Variants in CBLB observed in about 807,000 individuals in gnomAD.
The protein encoded by CBLB is E3 ubiquitin-protein ligase CBL-B.
A neutral mutation model predicts 104.9 loss-of-function variants in CBLB; 31 were observed. That is an observed-to-expected ratio of 0.30 (90% CI 0.22 to 0.40). The LOEUF is 0.40. Ranked by LOEUF, CBLB falls within the 10% of genes least tolerant of loss-of-function variation. CBLB has a pLI of 1.00. For missense variants in CBLB, 1,062 were observed against 1,214.6 expected, an observed-to-expected ratio of 0.87 and a Z score of 1.87; for synonymous variants, 440 against 422.6, an observed-to-expected ratio of 1.04 and a Z score of -0.51.
chr3:105,805,934 G>A (rs1481880846), intron 3 of CBLB, among the ~76,000 whole-genome samples: 1 of 145,466 alleles, frequency 6.9e-6, no homozygotes, highest in African/African-American at 2.5e-5. Context: ...AAAAGGGAAA[G>A]AAAAAAAAAA....
At chr3:105,725,417 T>TG (rs2073464030) in intron 9 of CBLB, among the ~76,000 whole-genome samples, 1 of 152,210 alleles carries the variant, frequency 6.6e-6, no homozygotes, top group Non-Finnish European at 1.5e-5. Flanking sequence ...TGGAGTCAAC[T>TG]GAAAATGTTT....
intron 12 of CBLB, among the ~76,000 whole-genome samples, chr3:105,698,854 T>C (rs1187584460): frequency 2.0e-5 from 3 of 152,118 alleles, no homozygotes; most frequent in Non-Finnish European, 2.9e-5. Context: ...CCTTTTCTTG[T>C]TGTATATGAT....
At chr3:105,660,436 C>A (rs2063680000) in intron 18 of CBLB, among the ~76,000 whole-genome samples, 1 of 152,130 alleles carries the variant, frequency 6.6e-6, no homozygotes, top group Non-Finnish European at 1.5e-5. Flanking sequence ...AAGTGATCCA[C>A]CCACCTTGGC....
intron 4 of CBLB, among the ~76,000 whole-genome samples, chr3:105,772,919 C>T (rs1392174364): frequency 1.3e-5 from 2 of 152,192 alleles, no homozygotes; most frequent in African/African-American, 4.8e-5. Flanking sequence ...GAAAAGGGAA[C>T]ACTTCTACAT....
At chr3:105,787,241 T>C (rs187706790) in intron 3 of CBLB, among the ~76,000 whole-genome samples, 80 of 152,298 alleles carry the variant, frequency 5.3e-4, no homozygotes, top group African/African-American at 1.8e-3. Flanking sequence ...ATTTAACTTA[T>C]TCTACAGCTG....
intron 3 of CBLB, among the ~76,000 whole-genome samples, chr3:105,822,810 C>A (rs1392615350): frequency 6.6e-6 from 1 of 152,228 alleles, no homozygotes; most frequent in East Asian, 1.9e-4. Flanking sequence ...TGAATAATGG[C>A]CTTCAGGTAC....
chr3:105,820,106 A>ACAT (rs2085627036), intron 3 of CBLB, among the ~76,000 whole-genome samples: 1 of 152,150 alleles, frequency 6.6e-6, no homozygotes, highest in African/African-American at 2.4e-5. Context: ...GGGTGATGGG[A>ACAT]CACAGTGACA....
chr3:105,862,843 G>A (rs933205448), intron 2 of CBLB, among the ~76,000 whole-genome samples: 3 of 152,028 alleles, frequency 2.0e-5, no homozygotes, highest in African/African-American at 7.2e-5. Flanking sequence ...CAACCCATGA[G>A]CTGGCCAGCA....
chr3:105,690,434 A>C lies in CBLB; in HGVS notation c.2054+3060T>G, dbSNP rs144002000. Among the ~76,000 whole-genome samples, 514 of 152,284 alleles carry C rather than the reference A, an allele frequency of 3.4e-3. 5 individuals are homozygous for C. Among genetic ancestry groups the C allele is most frequent in the African/African-American group, 0.011 (475 of 41,558 alleles). Reference sequence around the variant, plus strand: ...AAAAAACACACTGTATAGAACCTAAAAAGCTGAATCTCAAAAGGATTTTGG... The same window carrying C: ...AAAAAACACACTGTATAGAACCTAACAAGCTGAATCTCAAAAGGATTTTGG... On this transcript the variant is annotated intron_variant, in intron 13 of 18. Transcript: ENST00000394030.
chr3:105,739,922 G>C (rs1176832208), intron 7 of CBLB, among the ~76,000 whole-genome samples: 1 of 152,102 alleles, frequency 6.6e-6, no homozygotes, highest in Non-Finnish European at 1.5e-5. Flanking sequence ...GGCTAACACG[G>C]TGAAACCCCG....
intron 12 of CBLB, among the ~76,000 whole-genome samples, chr3:105,694,979 C>T (rs993391574): frequency 3.3e-5 from 5 of 151,718 alleles, no homozygotes; most frequent in Admixed American, 6.6e-5. Context: ...TAAAAAAAGG[C>T]CTTTTAACAG....
At chr3:105,806,652 T>C (rs768373057) in intron 3 of CBLB, among the ~76,000 whole-genome samples, 2 of 152,054 alleles carry the variant, frequency 1.3e-5, no homozygotes, top group South Asian at 2.1e-4. Flanking sequence ...AGTAGGCATG[T>C]CATACCAAGT....
intron 4 of CBLB, among the ~76,000 whole-genome samples, chr3:105,766,142 T>C (rs1399944484): frequency 6.6e-6 from 1 of 152,162 alleles, no homozygotes; most frequent in Non-Finnish European, 1.5e-5. Context: ...GATGTAGAAT[T>C]TGCTAGAGAA....
rs2091210842 is a variant in CBLB at position 105,853,458 on chromosome 3, A to G, written c.375T>C (p.Phe125=). The G allele has an allele frequency of 6.2e-7, 1 of 1,613,518 alleles. No individual in the cohort carries two copies. Among genetic ancestry groups the G allele is most frequent in the African/African-American group, 1.3e-5 (1 of 75,028 alleles). Residue 125 remains phenylalanine (F), a synonymous_variant, in exon 3 of 19, where the codon TTT becomes TTC. Transcript: ENST00000394030. ...CATACATTCTCTCCTTGCCTTCTTTAAAGAGTCTTATTGCCCGTTTTGACT... is the reference window on the plus strand; with the variant it reads ...CATACATTCTCTCCTTGCCTTCTTTGAAGAGTCTTATTGCCCGTTTTGACT... ...MKKSKRAIRL[F]KEGKERMYEE... is the part of the protein sequence containing the mutation.
chr3:105,849,248 T>G (rs568155991), intron 3 of CBLB, among the ~76,000 whole-genome samples: 1 of 152,152 alleles, frequency 6.6e-6, no homozygotes, highest in South Asian at 2.1e-4. Context: ...TACATTATTA[T>G]GAATTGTTAT....
At chr3:105,730,910 C>A (rs975494935) in intron 9 of CBLB, among the ~76,000 whole-genome samples, 1 of 152,094 alleles carries the variant, frequency 6.6e-6, no homozygotes, top group Admixed American at 6.5e-5. Flanking sequence ...TTTAGCTAAA[C>A]ACAATTTTCA....
intron 18 of CBLB, among the ~76,000 whole-genome samples, chr3:105,660,354 A>ATTT (rs746956695): frequency 2.1e-5 from 3 of 143,874 alleles, no homozygotes; most frequent in African/African-American, 7.6e-5. Flanking sequence ...TGCCTGGCTA[A>ATTT]TTTTTTTTTT....
chr3:105,780,278 A>AT (rs777549409), intron 3 of CBLB, among the ~76,000 whole-genome samples: 4 of 152,136 alleles, frequency 2.6e-5, no homozygotes, highest in East Asian at 1.9e-4. Flanking sequence ...TGTAGATGGA[A>AT]TTTTTTCTAT....
At chr3:105,732,675 T>C (rs1028142941) in intron 9 of CBLB, among the ~76,000 whole-genome samples, 1 of 151,932 alleles carries the variant, frequency 6.6e-6, no homozygotes, top group African/African-American at 2.4e-5. Flanking sequence ...ACTATGAAAA[T>C]GGGAAAATCA....
Sources: gnomAD v4.1 joint callset for allele counts (sites outside exome capture counted in the v4.1 genomes callset) on GRCh38, gnomAD v4.1.1 for gene constraint, MANE v1.5 for transcripts, NCBI Gene and HGNC (gene_info 2026-07-23, HGNC 2026-07-21) for gene names.